Variants in CNTLN observed in about 807,000 individuals in gnomAD.
CNTLN encodes centlein, also known as centlein, centrosomal protein.
CNTLN carries 212 observed loss-of-function variants against 180.0 expected under a neutral mutation model. The observed-to-expected ratio is 1.18, with a 90% CI of 1.05 to 1.32. The LOEUF is 1.32. Among genes scored for constraint, CNTLN ranks in the 40% most tolerant of loss-of-function variants. CNTLN has a pLI of 0.00. For missense variants in CNTLN, 2,095 were observed against 1,610.9 expected (o/e 1.30, Z -5.14); for synonymous variants, 722 against 563.1 (o/e 1.28, Z -3.99).
Position 17,330,817 on chromosome 9 carries a change from A to G in CNTLN, c.1518+9A>G, listed in dbSNP as rs746191128. ...CTGAAGGAAAACATAAGGTAGGGACATTTTGTCATTTTGTGAATTTGCCAG... is the reference window on the plus strand; with the variant it reads ...CTGAAGGAAAACATAAGGTAGGGACGTTTTGTCATTTTGTGAATTTGCCAG... On this transcript the variant is annotated intron_variant, in intron 9 of 25. Transcript: ENST00000380647. 4 of 1,587,452 alleles carry G rather than the reference A, an allele frequency of 2.5e-6. No individual in the cohort carries two copies. The highest frequency in any genetic ancestry group is 1.4e-5 in the African/African-American group (1 of 73,366).
At chr9:17,339,471 C>G (rs1454843707) in intron 10 of CNTLN, among the ~76,000 whole-genome samples, 2 of 152,148 alleles carry the variant, frequency 1.3e-5, no homozygotes, top group African/African-American at 4.8e-5. Context: ...CCTCTTTTTT[C>G]TCTTCCATAT....
intron 5 of CNTLN, among the ~76,000 whole-genome samples, chr9:17,268,669 T>G (rs1827694976): frequency 6.6e-6 from 1 of 152,160 alleles, no homozygotes; most frequent in African/African-American, 2.4e-5. Context: ...CAGGCCTCCT[T>G]GAGCTGTGGT....
At chr9:17,333,126 CA>C (rs1234650851) in intron 10 of CNTLN, among the ~76,000 whole-genome samples, 1 of 151,954 alleles carries the variant, frequency 6.6e-6, no homozygotes, top group Non-Finnish European at 1.5e-5. Flanking sequence ...AGATCACTTA[CA>C]ATTATCCTTT....
chr9:17,400,230 C>T (rs989515982), intron 15 of CNTLN, among the ~76,000 whole-genome samples: 2 of 152,076 alleles, frequency 1.3e-5, no homozygotes, highest in Non-Finnish European at 2.9e-5. Context: ...CTCCATCTCC[C>T]AGGTTCAAGC....
Position 17,330,821 on chromosome 9 carries a change from TG to T in CNTLN, c.1518+14del, listed in dbSNP as rs1196435391. On this transcript the variant is annotated intron_variant, in intron 9 of 25. Transcript: ENST00000380647. Reference sequence around the variant, plus strand: ...AGGAAAACATAAGGTAGGGACATTTTGTCATTTTGTGAATTTGCCAGGATGA... The same window carrying T: ...AGGAAAACATAAGGTAGGGACATTTTTCATTTTGTGAATTTGCCAGGATGA... 1 of 1,587,618 alleles carries T rather than the reference TG, an allele frequency of 6.3e-7. No homozygotes were observed. The highest frequency in any genetic ancestry group is 2.3e-5 in the East Asian group (1 of 43,578).
intron 7 of CNTLN, among the ~76,000 whole-genome samples, chr9:17,304,098 T>C (rs976794832): frequency 2.6e-5 from 4 of 152,110 alleles, no homozygotes; most frequent in African/African-American, 7.2e-5. Context: ...AAAACAGTTG[T>C]CCCAGGTGGT....
At chr9:17,294,030 G>A (rs1016269094) in intron 6 of CNTLN, among the ~76,000 whole-genome samples, 8 of 152,142 alleles carry the variant, frequency 5.3e-5, no homozygotes, top group Admixed American at 2.0e-4. Context: ...TCTTAAAAGC[G>A]GCGTGTCCGG....
chr9:17,443,313 G>T (rs981027777), intron 18 of CNTLN, among the ~76,000 whole-genome samples: 2 of 152,094 alleles, frequency 1.3e-5, no homozygotes, highest in African/African-American at 4.8e-5. Context: ...AAGATTGCTG[G>T]ATCAGTAATA....
At chr9:17,253,520 C>T (rs13290922) in intron 5 of CNTLN, among the ~76,000 whole-genome samples, 75,578 of 151,010 alleles carry the variant, frequency 0.5, 20,234 homozygotes, top group South Asian at 0.7. Flanking sequence ...TTTGTGTTTT[C>T]TGTAGCTTTT....
Position 17,330,645 on chromosome 9 carries a change from C to A in CNTLN, c.1355C>A (p.Pro452Gln). The change falls in exon 9 of 26, where the codon CCA (proline) becomes CAA (glutamine). Residue 452 changes from proline to glutamine, a missense_variant. Transcript: ENST00000380647. Reference protein sequence around the residue: ...PDYSAQVPHRPSLSSLETLMV... With the variant: ...PDYSAQVPHRQSLSSLETLMV... ...TTTTTAAAATAGGTACCTCATCGCC[C>A]ATCCTTATCAAGCTTAGAAACGTTA... The A allele has an allele frequency of 6.3e-7, 1 of 1,588,854 alleles. No individual in the cohort carries two copies. Among genetic ancestry groups the A allele is most frequent in the South Asian group, 1.2e-5 (1 of 86,426 alleles).
intron 18 of CNTLN, among the ~76,000 whole-genome samples, chr9:17,439,242 A>C (rs770834014): frequency 3.9e-5 from 6 of 152,198 alleles, no homozygotes; most frequent in Non-Finnish European, 7.4e-5. Flanking sequence ...GTCATTAAAG[A>C]TATACATTAT....
At chr9:17,233,470 TA>T (rs1026005390) in intron 3 of CNTLN, among the ~76,000 whole-genome samples, 2 of 152,106 alleles carry the variant, frequency 1.3e-5, no homozygotes, top group Admixed American at 6.6e-5. Context: ...ATAATCCGTT[TA>T]AAAAAATGCC....
the CNTLN span, among the ~76,000 whole-genome samples, chr9:17,509,322 G>A: frequency 6.6e-6 from 1 of 152,166 alleles, no homozygotes; most frequent in African/African-American, 2.4e-5. Flanking sequence ...TCATGGAAGG[G>A]GCCAGGTTTT....
intron 15 of CNTLN, among the ~76,000 whole-genome samples, chr9:17,397,064 C>G (rs1180028523): frequency 6.6e-6 from 1 of 152,208 alleles, no homozygotes; most frequent in Non-Finnish European, 1.5e-5. Context: ...CCACTTGGTA[C>G]TACCACACTA....
At chr9:17,414,319 A>T (rs934047330) in intron 16 of CNTLN, among the ~76,000 whole-genome samples, 2 of 152,154 alleles carry the variant, frequency 1.3e-5, no homozygotes. Flanking sequence ...GTTTCATAGC[A>T]TGAGAGTTTT....
chr9:17,233,802 A>G (rs78048879), intron 3 of CNTLN, among the ~76,000 whole-genome samples: 5,615 of 152,256 alleles, frequency 0.037, 173 homozygotes, highest in East Asian at 0.18. Context: ...TATGTGTAAT[A>G]TGATTTAAGT....
At chr9:17,482,401 G>A (rs2134302849) in intron 23 of CNTLN, among the ~76,000 whole-genome samples, 1 of 152,042 alleles carries the variant, frequency 6.6e-6, no homozygotes, top group African/African-American at 2.4e-5. Context: ...AAATAAACTA[G>A]ATCTATAAAG....
At chr9:17,313,449 A>T (rs1819342759) in intron 8 of CNTLN, among the ~76,000 whole-genome samples, 1 of 151,110 alleles carries the variant, frequency 6.6e-6, no homozygotes, top group African/African-American at 2.4e-5. Context: ...TTACTCTTCT[A>T]TCCTCTAGAC....
At chr9:17,209,095 G>A (rs938535334) in intron 2 of CNTLN, among the ~76,000 whole-genome samples, 30 of 151,894 alleles carry the variant, frequency 2.0e-4, no homozygotes, top group Non-Finnish European at 3.5e-4. Context: ...TTTCCTGTTA[G>A]TACTGCTTTT....
Sources: allele counts gnomAD v4.1 joint callset (sites outside exome capture counted in the v4.1 genomes callset), GRCh38; gene constraint gnomAD v4.1.1; transcripts MANE v1.5; gene names NCBI Gene and HGNC (gene_info 2026-07-23, HGNC 2026-07-21).